The following ATP8B1 variants were observed in gnomAD, a reference collection of about 807,000 sequenced individuals.
ATP8B1 encodes the protein ATPase phospholipid transporting 8B1.
A neutral mutation model predicts 149.9 loss-of-function variants in ATP8B1; 80 were observed. That is an observed-to-expected ratio of 0.53 (90% CI 0.45 to 0.64). The LOEUF is 0.64. Among genes scored for constraint, ATP8B1 ranks in the 30% least tolerant of loss-of-function variants. The pLI is 0.00. For synonymous variants in ATP8B1, 536 were observed against 562.8 expected, an observed-to-expected ratio of 0.95 and a Z score of 0.67; for missense variants, 1,247 against 1,552.6, an observed-to-expected ratio of 0.80 and a Z score of 3.31.
In ATP8B1 at chr18:57,759,743, C is replaced by T. The variant is rs146752977; in HGVS notation, c.-25-27911G>A. Among the ~76,000 whole-genome samples, 626 of 151,642 alleles carry T rather than the reference C, an allele frequency of 4.1e-3. 9 individuals are homozygous for T. Among genetic ancestry groups the T allele is most frequent in the African/African-American group, 0.014 (580 of 41,344 alleles). The stretch of plus-strand genomic sequence containing the variant: ...CTGAGGCAGGAGAACGGCATGAACC[C>T]GGGAGGCGGAGCTTTCGGTGAGCAA... On this transcript the variant is annotated intron_variant, in intron 1 of 27. Transcript: ENST00000648908.
chr18:57,691,074 C>A (rs1912502719), intron 12 of ATP8B1, among the ~76,000 whole-genome samples: 1 of 150,854 alleles, frequency 6.6e-6, no homozygotes, highest in Non-Finnish European at 1.5e-5. Flanking sequence ...ACTCAGGAGG[C>A]TGAGGCAGGA....
chr18:57,772,159 C>G (rs547576811), intron 1 of ATP8B1, among the ~76,000 whole-genome samples: 1 of 152,278 alleles, frequency 6.6e-6, no homozygotes, highest in African/African-American at 2.4e-5. Context: ...AACAAGCCTC[C>G]TAAAATGTAA....
Position 57,652,469 on chromosome 18 carries a change from A to G in ATP8B1, c.3261+15T>C, listed in dbSNP as rs1327229087. On this transcript the variant is annotated intron_variant, in intron 25 of 27. Coordinates refer to ENST00000648908, the MANE Select transcript of ATP8B1 (RefSeq NM_001374385.1). Reference sequence around the variant, plus strand: ...TACCAATAGACACTGAATACGGCCAATGAAAGCCACGTACCTGGAAATTGA... The same window carrying G: ...TACCAATAGACACTGAATACGGCCAGTGAAAGCCACGTACCTGGAAATTGA... The G allele has an allele frequency of 6.2e-7, 1 of 1,614,092 alleles. No homozygotes were observed. Among genetic ancestry groups the G allele is most frequent in the Non-Finnish European group, 8.5e-7 (1 of 1,180,038 alleles).
intron 24 of ATP8B1, 74 bp from the exon 25 acceptor site, chr18:57,652,803 C>T (rs751598510): frequency 2.9e-5 from 47 of 1,599,696 alleles, no homozygotes; most frequent in African/African-American, 4.0e-5. Context: ...TAATTAATAT[C>T]TCACAAAAAG....
intron 4 of ATP8B1, among the ~76,000 whole-genome samples, chr18:57,701,538 G>T (rs561517468): frequency 6.6e-6 from 1 of 152,268 alleles, no homozygotes; most frequent in South Asian, 2.1e-4. Context: ...GAGGGCAGTG[G>T]CTCCTGAAAT....
At chr18:57,788,001 C>T (rs1275578512) in intron 1 of ATP8B1, among the ~76,000 whole-genome samples, 2 of 151,922 alleles carry the variant, frequency 1.3e-5, no homozygotes, top group Non-Finnish European at 2.9e-5. Flanking sequence ...CACTGCACTC[C>T]AGCCTGGGCA....
chr18:57,726,557 G>A (rs2079711004), intron 2 of ATP8B1, among the ~76,000 whole-genome samples: 1 of 152,198 alleles, frequency 6.6e-6, no homozygotes, highest in Non-Finnish European at 1.5e-5. Context: ...AGGTTCTGAT[G>A]TACAGGCAGG....
intron 12 of ATP8B1, chr18:57,688,748 C>A: frequency 1.9e-6 from 1 of 513,330 alleles, no homozygotes; most frequent in Non-Finnish European, 3.5e-6. Context: ...GATTAGTGCC[C>A]TTATTAAAGT....
chr18:57,660,188 G>T (rs1420289521), intron 22 of ATP8B1, among the ~76,000 whole-genome samples: 1 of 152,178 alleles, frequency 6.6e-6, no homozygotes, highest in Non-Finnish European at 1.5e-5. Context: ...TGCTTCTGCA[G>T]GCTTTAATAC....
chr18:57,778,432 A>G (rs1001893773), intron 1 of ATP8B1, among the ~76,000 whole-genome samples: 2 of 151,546 alleles, frequency 1.3e-5, no homozygotes, highest in African/African-American at 2.4e-5. Context: ...GGGTTTCACC[A>G]TGTTAGCCAG....
intron 16 of ATP8B1, 138 bp from the exon 17 acceptor site, chr18:57,671,718 G>T: frequency 6.1e-6 from 4 of 659,228 alleles, no homozygotes; most frequent in Admixed American, 2.2e-5. Context: ...GACCCCCCAG[G>T]CTCAAGCAAT....
At chr18:57,667,502 A>G (rs1910947118) in intron 19 of ATP8B1, 1 of 292,056 alleles carries the variant, frequency 3.4e-6, no homozygotes, top group African/African-American at 2.2e-5. Flanking sequence ...TTAGTTCATG[A>G]ACATAACCAG....
At chr18:57,663,328 A>G (rs1910616261) in intron 20 of ATP8B1, among the ~76,000 whole-genome samples, 1 of 152,002 alleles carries the variant, frequency 6.6e-6, no homozygotes, top group Non-Finnish European at 1.5e-5. Flanking sequence ...TTATCCATTC[A>G]CTCACTGATG....
chr18:57,745,389 A>G (rs375135722), intron 1 of ATP8B1, among the ~76,000 whole-genome samples: 1 of 152,046 alleles, frequency 6.6e-6, no homozygotes, highest in Non-Finnish European at 1.5e-5. Flanking sequence ...CTCCTGCCTC[A>G]GCTTCCCAAG....
At chr18:57,731,568 G>A in intron 2 of ATP8B1, 59 bp downstream of exon 2, 1 of 1,575,500 alleles carries the variant, frequency 6.3e-7, no homozygotes, top group South Asian at 1.1e-5. Flanking sequence ...TGGCACGTGT[G>A]GCCATGACCC....
At chr18:57,653,291 T>C (rs1299209184) in intron 24 of ATP8B1, among the ~76,000 whole-genome samples, 1 of 147,980 alleles carries the variant, frequency 6.8e-6, no homozygotes, top group African/African-American at 2.5e-5. Context: ...TCTTTTTTTT[T>C]TTTTTTTTTT....
chr18:57,767,743 C>A (rs369923908), intron 1 of ATP8B1, among the ~76,000 whole-genome samples: 1 of 151,312 alleles, frequency 6.6e-6, no homozygotes, highest in Non-Finnish European at 1.5e-5. Flanking sequence ...GAGCCAAGAT[C>A]GTGCCATTGC....
intron 20 of ATP8B1, among the ~76,000 whole-genome samples, chr18:57,664,069 CTT>C (rs10598901): frequency 0.2 from 26,821 of 133,694 alleles, 2,815 homozygotes; most frequent in African/African-American, 0.25. Context: ...CTGGCCAGCC[CTT>C]TTTTTTTTTT....
intron 2 of ATP8B1, among the ~76,000 whole-genome samples, chr18:57,728,708 T>G (rs2079731574): frequency 6.8e-6 from 1 of 147,006 alleles, no homozygotes; most frequent in Non-Finnish European, 1.5e-5. Context: ...ATGACTAAGA[T>G]TCAAGACTGA....
Sources: gnomAD v4.1 joint callset for allele counts (sites outside exome capture counted in the v4.1 genomes callset) on GRCh38, gnomAD v4.1.1 for gene constraint, MANE v1.5 for transcripts, NCBI Gene and HGNC (gene_info 2026-07-23, HGNC 2026-07-21) for gene names.